The following HIVEP3 variants were observed in gnomAD, a reference collection of about 807,000 sequenced individuals.
The protein encoded by HIVEP3 is transcription factor HIVEP3.
HIVEP3 carries 49 observed loss-of-function variants against 152.8 expected under a neutral mutation model. The ratio of observed to expected loss-of-function variants is 0.32; its 90% CI spans 0.26 to 0.41. The LOEUF (loss-of-function observed/expected upper bound fraction) is 0.41, where lower values mean the gene tolerates loss of function less well. Among genes scored for constraint, HIVEP3 ranks in the 10% least tolerant of loss-of-function variants. The probability of loss-of-function intolerance (pLI) is 1.00; values close to 1 mark genes in which losing one functional copy is unlikely to be tolerated. For missense variants in HIVEP3, 2,790 were observed against 3,103.3 expected (o/e 0.90, Z 2.40); for synonymous variants, 1,269 against 1,289.0 (o/e 0.98, Z 0.33).
intron 1 of HIVEP3, among the ~76,000 whole-genome samples, chr1:41,853,470 C>A (rs1034677911): frequency 6.6e-6 from 1 of 152,070 alleles, no homozygotes; most frequent in Non-Finnish European, 1.5e-5. Context: ...ATTATAAAAC[C>A]ATCAGATATT....
intron 5 of HIVEP3, among the ~76,000 whole-genome samples, chr1:41,572,747 A>G (rs1261733343): frequency 6.6e-6 from 1 of 152,280 alleles, no homozygotes; most frequent in Admixed American, 6.5e-5. Flanking sequence ...AGAGATTAAA[A>G]GACTCATATA....
rs1283675072 is a variant in HIVEP3, at chr1:41,971,828, T to C, written n.120-53304A>G. Among the ~76,000 whole-genome samples, 5 of 152,180 alleles carry C rather than the reference T, an allele frequency of 3.3e-5. No individual in the cohort carries two copies. The East Asian group carries it at 9.7e-4, about 29-fold the overall frequency. On this transcript the variant is annotated intron_variant and non_coding_transcript_variant, in intron 1 of 3. Transcript: ENST00000489103. ...AGGACCTTTTGGTGGTGATAGACCA[T>C]GACAGCTCTGCTGTCATGGATGAAT...
At position 41,511,662 on chromosome 1, in the gene HIVEP3, T is replaced by A. The variant is rs766061731; in HGVS notation, c.6406-396A>T. Among the ~76,000 whole-genome samples the A allele has an allele frequency of 9.9e-5, 15 of 152,170 alleles. No individual in the cohort carries two copies. Among genetic ancestry groups the A allele is most frequent in the Non-Finnish European group, 1.8e-4 (12 of 68,034 alleles). Reference sequence around the variant, plus strand: ...CCCAGCTTCACTCTTGGACATGAGTTCCCACCTGAGGCTCTTTGCCCTTCT... The same window carrying A: ...CCCAGCTTCACTCTTGGACATGAGTACCCACCTGAGGCTCTTTGCCCTTCT... On this transcript the variant is annotated intron_variant, in intron 8 of 8. Coordinates refer to ENST00000372583, the MANE Select transcript of HIVEP3 (RefSeq NM_024503.5). The surrounding 1 kb of genome is among the most constrained non-coding windows in gnomAD (Gnocchi z 4.9).
chr1:42,025,458 TTTTA>T (rs1271997666), intron 1 of HIVEP3, among the ~76,000 whole-genome samples: 1 of 152,224 alleles, frequency 6.6e-6, no homozygotes, highest in Non-Finnish European at 1.5e-5. Context: ...AAGCATAGGT[TTTTA>T]TTTGTCTCTG....
intron 5 of HIVEP3, among the ~76,000 whole-genome samples, chr1:41,527,291 AC>A (rs1045825812): frequency 3.5e-5 from 3 of 86,020 alleles, no homozygotes; most frequent in Non-Finnish European, 7.2e-5. Flanking sequence ...CCTCACATAC[AC>A]CCTCACACCC....
chr1:41,513,211 G>A lies in HIVEP3; in HGVS notation c.6010C>T (p.Gln2004Ter), dbSNP rs377705437. The stretch of plus-strand genomic sequence containing the variant: ...CCAGGTGGGCTTGGGGCTGAGGCCT[G>A]TGGTTCTCGGGCCGGGGAGCATCGC... ...PQRCSPAREP[Q>*]ASAPSPPGLH... The change falls in exon 8 of 9, where the codon CAG (glutamine) becomes TAG (stop). Residue 2004 changes from glutamine (Q) to a stop codon, truncating the protein, a stop_gained. Coordinates refer to ENST00000372583, the MANE Select transcript of HIVEP3 (RefSeq NM_024503.5). LOFTEE classifies it high-confidence loss of function. 3.7e-6 allele frequency: 6 copies of A among 1,613,662 alleles called. No homozygotes were observed. In the African/African-American group the frequency reaches 8.0e-5, roughly 22 times the overall value.
At chr1:41,770,834 T>C (rs1570499716) in intron 1 of HIVEP3, among the ~76,000 whole-genome samples, 1 of 152,020 alleles carries the variant, frequency 6.6e-6, no homozygotes, top group South Asian at 2.1e-4. Context: ...CGGGATGCTG[T>C]TGTGCTAATG....
intron 1 of HIVEP3, among the ~76,000 whole-genome samples, chr1:41,924,060 A>T: frequency 6.6e-6 from 1 of 152,176 alleles, no homozygotes; most frequent in East Asian, 1.9e-4. Context: ...TACGTTAATG[A>T]TCTTGAGATG....
At chr1:41,820,903 TC>T (rs1328610788) in intron 1 of HIVEP3, among the ~76,000 whole-genome samples, 5 of 152,220 alleles carry the variant, frequency 3.3e-5, no homozygotes, top group African/African-American at 9.7e-5. Context: ...AAGTAAGAAA[TC>T]CTTTATCTCT....
chr1:41,806,926 C>T (rs1650658393), intron 1 of HIVEP3, among the ~76,000 whole-genome samples: 1 of 152,114 alleles, frequency 6.6e-6, no homozygotes, highest in Non-Finnish European at 1.5e-5. Context: ...CCACACAGCC[C>T]CTACACCTTC....
Position 41,588,231 on chromosome 1 carries a change from G to A in HIVEP3, c.-521-2913C>T, listed in dbSNP as rs147184578. Among the ~76,000 whole-genome samples the A allele has an allele frequency of 9.2e-5, 14 of 152,342 alleles. No homozygotes were observed. The East Asian group carries it at 2.7e-3, about 29-fold the overall frequency. ...ATGGAGAGGCCTTTGGGTGCTATGT[G>A]TGGATAATCAAGGGTTGGCTATACT... On this transcript the variant is annotated intron_variant, in intron 3 of 8. Coordinates refer to ENST00000372583, the MANE Select transcript of HIVEP3 (RefSeq NM_024503.5).
At chr1:41,974,452 G>A (rs1388766601) in intron 1 of HIVEP3, among the ~76,000 whole-genome samples, 1 of 139,448 alleles carries the variant, frequency 7.2e-6, no homozygotes, top group Non-Finnish European at 1.6e-5. Flanking sequence ...CACCCCTCTG[G>A]CTTCACATAC....
Position 41,875,792 on chromosome 1 carries a change from C to A in HIVEP3, c.-801+42621G>T, listed in dbSNP as rs542897392. ...GAGCCTTGCCTTAGCAGGGTACATG[C>A]CCTGCACCTTCTTCTCTCCACGAAT... is the stretch of plus-strand genomic sequence containing the variant. On this transcript the variant is annotated intron_variant, in intron 1 of 8. Transcript: ENST00000372583. Among the ~76,000 whole-genome samples the A allele has an allele frequency of 2.6e-5, 4 of 152,358 alleles. No individual in the cohort carries two copies. The East Asian group carries it at 7.7e-4, about 29-fold the overall frequency.
intron 7 of HIVEP3, 43 bp from the exon 8 acceptor site, chr1:41,513,793 G>A (rs977121781): frequency 1.4e-6 from 2 of 1,472,380 alleles, no homozygotes; most frequent in Non-Finnish European, 1.8e-6. Flanking sequence ...GTTGGGCCTT[G>A]GCCCCACTGC....
chr1:41,845,789 G>T (rs1343427787), intron 1 of HIVEP3, among the ~76,000 whole-genome samples: 9 of 152,164 alleles, frequency 5.9e-5, no homozygotes, highest in Admixed American at 2.6e-4. Context: ...ATTGGAGGCT[G>T]GGTATGGTGG....
At chr1:41,588,382 C>A (rs547067344) in intron 3 of HIVEP3, among the ~76,000 whole-genome samples, 35 of 152,256 alleles carry the variant, frequency 2.3e-4, no homozygotes, top group African/African-American at 8.4e-4. Flanking sequence ...GTGAAATGAT[C>A]AATCTGAGTG....
intron 3 of HIVEP3, among the ~76,000 whole-genome samples, chr1:41,587,512 AG>A (rs1344060357): frequency 6.6e-6 from 1 of 152,260 alleles, no homozygotes; most frequent in Non-Finnish European, 1.5e-5. Flanking sequence ...AGACAGTCCC[AG>A]GCAAACCAGG....
chr1:41,801,928 A>G (rs1650332441), intron 1 of HIVEP3, among the ~76,000 whole-genome samples: 1 of 152,218 alleles, frequency 6.6e-6, no homozygotes, highest in African/African-American at 2.4e-5. Context: ...CTGGTATGTC[A>G]AGGAGTGGGG....
chr1:41,783,663 C>T (rs1298398808), intron 1 of HIVEP3, among the ~76,000 whole-genome samples: 1 of 152,182 alleles, frequency 6.6e-6, no homozygotes, highest in Non-Finnish European at 1.5e-5. Context: ...TTTCTGAGAG[C>T]ACCAGCTTTA....
Sources: gnomAD v4.1 joint callset for allele counts (sites outside exome capture counted in the v4.1 genomes callset) on GRCh38, gnomAD v4.1.1 for gene constraint, Gnocchi (gnomAD v3.1) non-coding constraint, MANE v1.5 for transcripts, NCBI Gene and HGNC (gene_info 2026-07-23, HGNC 2026-07-21) for gene names.